CDH13: variants seen among roughly 807,000 people sequenced by gnomAD.
CDH13 encodes cadherin 13.
CDH13 carries 24 observed loss-of-function variants against 63.8 expected under a neutral mutation model. The observed-to-expected ratio is 0.38, with a 90% CI of 0.27 to 0.53. CDH13 has a LOEUF of 0.53. CDH13 is among the 20% of genes least tolerant of loss of function. The pLI is 0.85. For missense variants in CDH13, 1,049 were observed against 903.1 expected, an observed-to-expected ratio of 1.16 and a Z score of -2.07; for synonymous variants, 503 against 355.3, an observed-to-expected ratio of 1.42 and a Z score of -4.67.
At position 83,796,354 on chromosome 16, in the gene CDH13, T is replaced by C. The variant is rs1904281060; in HGVS notation, c.*1324T>C. The C allele has an allele frequency of 6.6e-6, 1 of 152,244 alleles. No individual in the cohort carries two copies. The highest frequency in any genetic ancestry group is 1.5e-5 in the Non-Finnish European group (1 of 68,052). The allele number at this position is 152,244 out of a possible 1,614,324, so 9.4% of individuals were successfully genotyped here. On this transcript the variant is annotated 3_prime_UTR_variant, in exon 14 of 14. Coordinates refer to ENST00000567109, the MANE Select transcript of CDH13 (RefSeq NM_001257.5). ...GTGTCTTAGCATATTTTAATGCAGTTGCTTACTAAAGGTTTTAACCGCACA... is the reference window on the plus strand; with the variant it reads ...GTGTCTTAGCATATTTTAATGCAGTCGCTTACTAAAGGTTTTAACCGCACA...
chr16:83,605,580 A>G (rs1908251053), intron 8 of CDH13, among the ~76,000 whole-genome samples: 1 of 152,196 alleles, frequency 6.6e-6, no homozygotes, highest in Admixed American at 6.5e-5. Flanking sequence ...TGAATGAGCT[A>G]ATGACTAAAA....
At chr16:83,541,907 G>A (rs1224298712) in intron 7 of CDH13, among the ~76,000 whole-genome samples, 1 of 152,200 alleles carries the variant, frequency 6.6e-6, no homozygotes, top group Non-Finnish European at 1.5e-5. Flanking sequence ...TGGGACAGAG[G>A]CTGTGTCTTT....
At chr16:82,806,676 T>C (rs1312796578) in intron 1 of CDH13, among the ~76,000 whole-genome samples, 1 of 152,088 alleles carries the variant, frequency 6.6e-6, no homozygotes, top group Non-Finnish European at 1.5e-5. Context: ...TTGTTGTTGT[T>C]AAGCAAAGAT....
chr16:82,992,621 T>C (rs1316686373), intron 2 of CDH13, among the ~76,000 whole-genome samples: 1 of 152,200 alleles, frequency 6.6e-6, no homozygotes, highest in Admixed American at 6.5e-5. Flanking sequence ...AATAAATTGG[T>C]CTGATTTAAA....
chr16:83,052,441 A>G (rs765154535), intron 3 of CDH13, among the ~76,000 whole-genome samples: 1 of 152,218 alleles, frequency 6.6e-6, no homozygotes, highest in Non-Finnish European at 1.5e-5. Flanking sequence ...ATGACAAACT[A>G]TACAACATTT....
chr16:83,708,330 G>A (rs563863388), intron 10 of CDH13, among the ~76,000 whole-genome samples: 1 of 152,180 alleles, frequency 6.6e-6, no homozygotes, highest in African/African-American at 2.4e-5. Context: ...CATTTGCTTG[G>A]GTTCAACCTC....
At chr16:83,061,148 C>T (rs1462537116) in intron 3 of CDH13, among the ~76,000 whole-genome samples, 2 of 152,220 alleles carry the variant, frequency 1.3e-5, no homozygotes, top group Non-Finnish European at 2.9e-5. Flanking sequence ...AGTTGCACAG[C>T]ACAGTGGAGG....
chr16:83,205,978 A>G (rs1052285934), intron 4 of CDH13, among the ~76,000 whole-genome samples: 3 of 152,188 alleles, frequency 2.0e-5, no homozygotes, highest in African/African-American at 4.8e-5. Context: ...GTAGGTTGGG[A>G]TATATTATTA....
At chr16:83,472,225 G>C (rs1414962442) in intron 6 of CDH13, among the ~76,000 whole-genome samples, 1 of 152,208 alleles carries the variant, frequency 6.6e-6, no homozygotes, top group African/African-American at 2.4e-5. Context: ...CAGTGGCAGA[G>C]CTGGGACTGA....
intron 2 of CDH13, among the ~76,000 whole-genome samples, chr16:82,961,816 G>A (rs554176084): frequency 2.0e-5 from 3 of 152,282 alleles, no homozygotes; most frequent in Admixed American, 6.5e-5. Context: ...GGAGACTTTT[G>A]GTTGTCACCG....
chr16:83,673,371 C>T (rs1315210210), intron 9 of CDH13, among the ~76,000 whole-genome samples: 5 of 152,166 alleles, frequency 3.3e-5, no homozygotes, highest in Admixed American at 2.6e-4. Flanking sequence ...ATCATCCCCG[C>T]TCAGGAGTAC....
chr16:83,019,711 G>T (rs957136384), intron 2 of CDH13, among the ~76,000 whole-genome samples: 2 of 150,870 alleles, frequency 1.3e-5, no homozygotes, highest in African/African-American at 4.9e-5. Flanking sequence ...GCCCAGTATG[G>T]TCTCAAACTC....
intron 6 of CDH13, among the ~76,000 whole-genome samples, chr16:83,470,883 A>T (rs1434032373): frequency 6.6e-6 from 1 of 152,172 alleles, no homozygotes; most frequent in East Asian, 1.9e-4. Flanking sequence ...AATCGGTCTC[A>T]TTGGGTTAAA....
At chr16:82,805,717 T>C (rs968710760) in intron 1 of CDH13, among the ~76,000 whole-genome samples, 4 of 152,214 alleles carry the variant, frequency 2.6e-5, no homozygotes, top group Non-Finnish European at 5.9e-5. Context: ...TGATTTCTAA[T>C]GGTGCTTTTG....
chr16:82,940,357 A>C (rs895719794), intron 2 of CDH13, among the ~76,000 whole-genome samples: 1 of 152,128 alleles, frequency 6.6e-6, no homozygotes, highest in African/African-American at 2.4e-5. Context: ...CTCGGGGAGT[A>C]ATTATGACAC....
At chr16:83,329,021 G>T (rs1336928546) in intron 5 of CDH13, among the ~76,000 whole-genome samples, 1 of 152,066 alleles carries the variant, frequency 6.6e-6, no homozygotes, top group East Asian at 1.9e-4. Context: ...TCTCTACTGG[G>T]CCTTAGCACC....
At chr16:83,324,666 G>T (rs562002901) in intron 5 of CDH13, among the ~76,000 whole-genome samples, 1 of 152,312 alleles carries the variant, frequency 6.6e-6, no homozygotes, top group South Asian at 2.1e-4. Context: ...CAGTTGGGTT[G>T]TTTCTACCTT....
At chr16:82,963,464 A>G (rs959763110) in intron 2 of CDH13, among the ~76,000 whole-genome samples, 1 of 152,128 alleles carries the variant, frequency 6.6e-6, no homozygotes, top group African/African-American at 2.4e-5. Flanking sequence ...CCTGTCCCCT[A>G]CGTCCTATGG....
At chr16:83,134,637 G>A (rs371318652) in intron 4 of CDH13, among the ~76,000 whole-genome samples, 1 of 144,250 alleles carries the variant, frequency 6.9e-6, no homozygotes, top group African/African-American at 2.5e-5. Flanking sequence ...TGTATATGAT[G>A]GTGTTTTAAT....
Sources: allele counts gnomAD v4.1 joint callset (sites outside exome capture counted in the v4.1 genomes callset), GRCh38; gene constraint gnomAD v4.1.1; transcripts MANE v1.5; gene names NCBI Gene and HGNC (gene_info 2026-07-23, HGNC 2026-07-21).